NAA11: variants seen among roughly 807,000 people sequenced by gnomAD.
NAA11 encodes N-alpha-acetyltransferase 11, NatA catalytic subunit.
In NAA11, 15 loss-of-function variants were observed where a neutral mutation model predicts 16.1. The ratio of observed to expected loss-of-function variants is 0.93; its 90% CI spans 0.62 to 1.44. The LOEUF (loss-of-function observed/expected upper bound fraction) is 1.44. Ranked by LOEUF, NAA11 falls within the 40% of genes most tolerant of loss-of-function variation. The pLI, the probability that NAA11 is intolerant of heterozygous loss-of-function variation, is 0.00. For missense variants in NAA11, 298 were observed against 291.3 expected (o/e 1.02, Z -0.17); for synonymous variants, 122 against 112.4 (o/e 1.09, Z -0.54).
chr4:79,172,666 CCTGGGGT>C, the NAA11 span, among the ~76,000 whole-genome samples: 1 of 152,008 alleles, frequency 6.6e-6, no homozygotes, highest in Admixed American at 6.6e-5. Context: ...ACCAAAATTA[CCTGGGGT>C]AGCTTTTTCA....
At chr4:79,224,390 C>T (rs1237023909), downstream of NAA11, among the ~76,000 whole-genome samples, 5 of 152,092 alleles carry the variant, frequency 3.3e-5, no homozygotes, top group Non-Finnish European at 7.4e-5. Flanking sequence ...AGTTCTTGCT[C>T]ACGTGGTGTT....
At position 79,325,976 on chromosome 4, in the gene NAA11, G is replaced by C; in HGVS notation, c.-99C>G. ...GTTTGCCTCAGGAATCGAGTCCAGG[G>C]GGCTAACACCACCGGGCTGAATCGT... On this transcript the variant is annotated 5_prime_UTR_variant, in exon 1 of 2. Transcript: ENST00000286794. The C allele has an allele frequency of 9.8e-7, 1 of 1,020,596 alleles. No individual in the cohort carries two copies. The highest frequency in any genetic ancestry group is 1.4e-6 in the Non-Finnish European group (1 of 696,862). 63.2% of individuals were successfully genotyped at this position (1,020,596 alleles called of 1,614,324 possible). A position where few individuals can be genotyped will look rare whatever the true frequency, so the allele number is the denominator to read the frequency against.
the NAA11 span, among the ~76,000 whole-genome samples, chr4:79,180,961 T>TC: frequency 1.3e-5 from 2 of 152,196 alleles, no homozygotes; most frequent in Non-Finnish European, 2.9e-5. Flanking sequence ...ACCATCATTC[T>TC]CAGCAAACTA....
At chr4:79,219,519 C>G in the NAA11 span, among the ~76,000 whole-genome samples, 2 of 152,084 alleles carry the variant, frequency 1.3e-5, no homozygotes, top group African/African-American at 2.4e-5. Context: ...ATTCTAGAAT[C>G]GAAGGACTAA....
At chr4:79,222,123 A>T (rs1163867149), downstream of NAA11, among the ~76,000 whole-genome samples, 1 of 151,694 alleles carries the variant, frequency 6.6e-6, no homozygotes, top group African/African-American at 2.4e-5. Flanking sequence ...TGTGTCCAGG[A>T]ATGTATCCAT....
chr4:79,278,295 C>T (rs567988998), intron 2 of NAA11, among the ~76,000 whole-genome samples: 1 of 152,174 alleles, frequency 6.6e-6, no homozygotes, highest in East Asian at 1.9e-4. Flanking sequence ...AGCCAATGAA[C>T]GTCTCATTAT....
intron 1 of NAA11, chr4:79,308,171 G>A (rs902613860): frequency 2.6e-5 from 4 of 152,148 alleles, no homozygotes; most frequent in African/African-American, 9.7e-5. Flanking sequence ...AAATTATTGT[G>A]CATTGTAGTG....
intron 2 of NAA11, among the ~76,000 whole-genome samples, chr4:79,271,155 T>A (rs1722483427): frequency 1.4e-5 from 1 of 70,644 alleles, no homozygotes; most frequent in South Asian, 5.6e-4. Context: ...AAAATCTCCT[T>A]AAGCTGATAA....
At chr4:79,226,019 T>C (rs142717653) in exon 3 of NAA11, 18 of 152,276 alleles carry the variant, frequency 1.2e-4, no homozygotes, top group African/African-American at 3.8e-4. Flanking sequence ...GTCAGTTTTA[T>C]GGAATATTTT....
At chr4:79,228,555 GAAT>G (rs1457700237) in intron 2 of NAA11, among the ~76,000 whole-genome samples, 1 of 145,564 alleles carries the variant, frequency 6.9e-6, no homozygotes, top group East Asian at 2.1e-4. Context: ...AACATAAATT[GAAT>G]TATATTGTAT....
At chr4:79,314,641 T>TAAAAAAAAAAAAAAAAAAAAAAAA (rs375245497), downstream of NAA11, among the ~76,000 whole-genome samples, 17 of 98,064 alleles carry the variant, frequency 1.7e-4, 2 homozygotes, top group African/African-American at 5.3e-4. Context: ...TCCTTAAAAT[T>TAAAAAAAAAAAAAAAAAAAAAAAA]AAAAAAAAAA....
At position 79,323,887 on chromosome 4, in the gene NAA11, C is replaced by T. The variant is rs561358672; in HGVS notation, c.*12+1289G>A. On this transcript the variant is annotated intron_variant, in intron 1 of 1. Transcript: ENST00000286794. Reference sequence around the variant, plus strand: ...GCGAGGTGGCGGGCGCCTGTAGTCCCAGTTACTTGGGAGGCTGAGGCAGGA... The same window carrying T: ...GCGAGGTGGCGGGCGCCTGTAGTCCTAGTTACTTGGGAGGCTGAGGCAGGA... 4.6e-5 allele frequency among the ~76,000 whole-genome samples: 7 copies of T among 151,950 alleles called. No homozygotes were observed. In the East Asian group the frequency reaches 1.2e-3, roughly 25 times the overall value.
chr4:79,288,400 C>T (rs1722999158), intron 2 of NAA11, among the ~76,000 whole-genome samples: 1 of 152,134 alleles, frequency 6.6e-6, no homozygotes, highest in African/African-American at 2.4e-5. Context: ...AGGTCAGCAG[C>T]ATTTGAAGAC....
At chr4:79,202,634 T>TATAAATAA in the NAA11 span, among the ~76,000 whole-genome samples, 1 of 111,052 alleles carries the variant, frequency 9.0e-6, no homozygotes, top group Admixed American at 9.2e-5. Flanking sequence ...TATATATATA[T>TATAAATAA]ATATATATAT....
chr4:79,228,140 A>C (rs183054890), intron 2 of NAA11, among the ~76,000 whole-genome samples: 12 of 151,944 alleles, frequency 7.9e-5, no homozygotes, highest in Admixed American at 7.9e-4. Flanking sequence ...CCTCTCATTT[A>C]ATTTTTGAAC....
chr4:79,220,982 G>A (rs1471950741), downstream of NAA11, among the ~76,000 whole-genome samples: 3 of 151,546 alleles, frequency 2.0e-5, no homozygotes, highest in Non-Finnish European at 2.9e-5. Context: ...CCATTTTCAC[G>A]ATATTGATTC....
chr4:79,299,484 C>G (rs1413074038), intron 1 of NAA11: 1 of 152,070 alleles, frequency 6.6e-6, no homozygotes, highest in Non-Finnish European at 1.5e-5. Flanking sequence ...ATATCAAGAC[C>G]CCAATGTTGT....
At chr4:79,171,010 A>T in the NAA11 span, among the ~76,000 whole-genome samples, 2 of 152,174 alleles carry the variant, frequency 1.3e-5, no homozygotes, top group Non-Finnish European at 2.9e-5. Context: ...TTCAGTTAAT[A>T]TATATTTGTT....
chr4:79,277,765 G>T (rs1217636323), intron 2 of NAA11, among the ~76,000 whole-genome samples: 1 of 151,966 alleles, frequency 6.6e-6, no homozygotes, highest in African/African-American at 2.4e-5. Flanking sequence ...AGTTTAGCCT[G>T]TGCAGTCTAA....
Sources: gnomAD v4.1 joint callset for allele counts (sites outside exome capture counted in the v4.1 genomes callset) on GRCh38, gnomAD v4.1.1 for gene constraint, MANE v1.5 for transcripts, NCBI Gene and HGNC (gene_info 2026-07-23, HGNC 2026-07-21) for gene names.